PSD4: variants seen among roughly 807,000 people sequenced by gnomAD.
PSD4 encodes pleckstrin and Sec7 domain containing 4, also known as PH and SEC7 domain-containing protein 4.
A neutral mutation model predicts 112.5 loss-of-function variants in PSD4; 59 were observed. The ratio of observed to expected loss-of-function variants is 0.52; its 90% confidence interval spans 0.43 to 0.65. The LOEUF (loss-of-function observed/expected upper bound fraction) is 0.65, where lower values mean the gene tolerates loss of function less well. PSD4 is among the 30% of genes least tolerant of loss of function. PSD4 has a pLI of 0.00. For synonymous variants in PSD4, 533 were observed against 540.0 expected (o/e 0.99, Z 0.18); for missense variants, 1,267 against 1,352.6 (o/e 0.94, Z 0.99).
intron 6 of PSD4, 120 bp from the exon 7 acceptor site, chr2:113,192,928 C>G (rs1688493593): frequency 1.0e-6 from 1 of 997,346 alleles, no homozygotes; most frequent in Non-Finnish European, 1.5e-6. Flanking sequence ...CCCAGCGTGC[C>G]TGCACCCTTC....
Position 113,183,439 on chromosome 2 carries a change from ACTCCAT to A in PSD4, c.986_991del (p.Ser329_Ile330del). On this transcript the variant is annotated inframe_deletion, in exon 2 of 17. Coordinates refer to ENST00000245796, the MANE Select transcript of PSD4 (RefSeq NM_012455.3). ...TTCCCTGTGCCCATCTATAAACCAC[ACTCCAT>A]CTGCTGGGCCTCAGTGGCTGCCGCT... 6.3e-7 allele frequency: 1 copy of A among 1,580,992 alleles called. No individual in the cohort carries two copies. Among genetic ancestry groups the A allele is most frequent in the Non-Finnish European group, 8.6e-7 (1 of 1,165,500 alleles).
chr2:113,200,060 A>G (rs2015769), intron 16 of PSD4, among the ~76,000 whole-genome samples: 64,375 of 151,996 alleles, frequency 0.42, 14,769 homozygotes, highest in East Asian at 0.65. Context: ...TCCTGGCCTC[A>G]AGTGGTCTGC....
intron 7 of PSD4, 27 bp from the exon 8 acceptor site, chr2:113,193,231 C>T (rs1688506097): frequency 1.3e-6 from 2 of 1,584,258 alleles, no homozygotes; most frequent in African/African-American, 2.7e-5. Flanking sequence ...CCCGGGCTCT[C>T]TCCTTGACCC....
chr2:113,195,537 ATG>A (rs1688582884), intron 10 of PSD4, among the ~76,000 whole-genome samples, 188 bp from the exon 11 acceptor site: 17 of 51,076 alleles, frequency 3.3e-4, no homozygotes, highest in East Asian at 3.1e-3. Context: ...TGTTGCACGG[ATG>A]GATGGATGGA....
Position 113,185,455 on chromosome 2 carries a change from G to C in PSD4, c.1249+15G>C. The C allele has an allele frequency of 6.2e-7, 1 of 1,614,184 alleles. No individual in the cohort carries two copies. Among genetic ancestry groups the C allele is most frequent in the Non-Finnish European group, 8.5e-7 (1 of 1,180,026 alleles). On this transcript the variant is annotated intron_variant, in intron 4 of 16. Transcript: ENST00000245796. ...CCAGGACAGAGGTGAGCCCTAATAA[G>C]GGGGTTTGGGAAATTGGGTCCTGGG...
intron 12 of PSD4, chr2:113,197,280 T>G: frequency 1.3e-5 from 6 of 456,894 alleles, no homozygotes; most frequent in Non-Finnish European, 1.6e-5. Flanking sequence ...GGGTGTGTGT[T>G]TGGAGTTGGA....
intron 1 of PSD4, among the ~76,000 whole-genome samples, chr2:113,176,774 C>T (rs934629255): frequency 1.3e-5 from 2 of 152,186 alleles, no homozygotes; most frequent in African/African-American, 4.8e-5. Flanking sequence ...ATTTTAGATG[C>T]GTAAGACCTG....
In PSD4 at chr2:113,193,733, G is replaced by A. The variant is rs141415952; in HGVS notation, c.2091+83G>A. On this transcript the variant is annotated intron_variant, in intron 9 of 16. Coordinates refer to ENST00000245796, the MANE Select transcript of PSD4 (RefSeq NM_012455.3). The stretch of plus-strand genomic sequence containing the variant: ...GGAGAAGACCAGAGGCCTGAGACCG[G>A]GCAGGGAACACCCCTGAGGGATGTG... 2,810 of 1,561,692 alleles carry A rather than the reference G, an allele frequency of 1.8e-3. 14 individuals are homozygous for A. The Middle Eastern group carries it at 0.02, about 11-fold the overall frequency.
At chr2:113,188,762 A>G (rs1688370052) in intron 5 of PSD4, among the ~76,000 whole-genome samples, 1 of 151,816 alleles carries the variant, frequency 6.6e-6, no homozygotes, top group Non-Finnish European at 1.5e-5. Context: ...TTGTATTTTT[A>G]GTAGAGACGG....
At chr2:113,200,591 C>A (rs1688747824) in intron 16 of PSD4, among the ~76,000 whole-genome samples, 1 of 152,182 alleles carries the variant, frequency 6.6e-6, no homozygotes, top group African/African-American at 2.4e-5. Context: ...ACCAGCCCTC[C>A]CTTCCGCAAT....
Position 113,185,359 on chromosome 2 carries a change from C to T in PSD4, c.1174-6C>T. On this transcript the variant is annotated splice_region_variant and splice_polypyrimidine_tract_variant and intron_variant, in intron 3 of 16. Coordinates refer to ENST00000245796, the MANE Select transcript of PSD4 (RefSeq NM_012455.3). ...CTCATGGGAATGCCTTTGCCTCTCT[C>T]AACAGGCCTCTCTCAGCCCTGAGGG... is the stretch of plus-strand genomic sequence containing the variant. 3 of 1,614,162 alleles carry T rather than the reference C, an allele frequency of 1.9e-6. No homozygotes were observed. Among genetic ancestry groups the T allele is most frequent in the Non-Finnish European group, 2.5e-6 (3 of 1,180,016 alleles).
chr2:113,178,216 T>TA (rs961842451), intron 1 of PSD4, among the ~76,000 whole-genome samples: 20 of 151,118 alleles, frequency 1.3e-4, no homozygotes, highest in Admixed American at 2.0e-4. Context: ...AGATACCGTC[T>TA]AAAAAAAAAT....
chr2:113,200,686 A>G (rs966864429), intron 16 of PSD4, among the ~76,000 whole-genome samples: 1 of 152,216 alleles, frequency 6.6e-6, no homozygotes, highest in Non-Finnish European at 1.5e-5. Flanking sequence ...CCATATCCCA[A>G]GGATGCTAGC....
chr2:113,201,560 G>A lies in PSD4; in HGVS notation c.*145G>A. ...TGAAGGACAAACCTTGTTTCCCTGT[G>A]GCCCTCATTCTTGTGCTCCCTGAAG... is the stretch of plus-strand genomic sequence containing the variant. On this transcript the variant is annotated 3_prime_UTR_variant, in exon 17 of 17. Coordinates refer to ENST00000245796, the MANE Select transcript of PSD4 (RefSeq NM_012455.3). The A allele has an allele frequency of 8.4e-7, 1 of 1,190,006 alleles. No individual in the cohort carries two copies. Among genetic ancestry groups the A allele is most frequent in the Non-Finnish European group, 1.2e-6 (1 of 858,760 alleles). The allele number at this position is 1,190,006 out of a possible 1,614,324, so 73.7% of individuals were successfully genotyped here.
intron 4 of PSD4, 193 bp from the exon 5 acceptor site, chr2:113,185,684 G>T (rs762417928): frequency 7.8e-6 from 12 of 1,548,148 alleles, no homozygotes; most frequent in Admixed American, 2.0e-5. Flanking sequence ...GCCCTTAGTT[G>T]CCTGGAGGCT....
At chr2:113,174,355 C>A (rs1339080253) in intron 1 of PSD4, among the ~76,000 whole-genome samples, 1 of 152,198 alleles carries the variant, frequency 6.6e-6, no homozygotes, top group Non-Finnish European at 1.5e-5. Flanking sequence ...TGGCTCCCCG[C>A]AGAGCCTCTG....
rs993868243 is a variant in PSD4 at position 113,204,115 on chromosome 2, A to G, written c.*2700A>G. 1.3e-5 allele frequency: 2 copies of G among 152,294 alleles called. No homozygotes were observed. The highest frequency in any genetic ancestry group is 4.8e-5 in the African/African-American group (2 of 41,432). The allele number at this position is 152,294 out of a possible 1,614,324, so 9.4% of individuals were successfully genotyped here. A position where few individuals can be genotyped will look rare whatever the true frequency, so the allele number is the denominator to read the frequency against. ...CTTGGAGGCAGGCTTGCATCTTTCT[A>G]GCTTCTGGCTGCTCAGGTGTCCTGC... On this transcript the variant is annotated 3_prime_UTR_variant, in exon 17 of 17. Coordinates refer to ENST00000245796, the MANE Select transcript of PSD4 (RefSeq NM_012455.3).
In PSD4 at chr2:113,183,335, A is replaced by C. The variant is rs1215795461; in HGVS notation, c.879A>C (p.Glu293Asp). Residue 293 changes from glutamate to aspartate, a missense_variant, in exon 2 of 17, where the codon GAA becomes GAC. Glu to Asp is a conservative substitution (Grantham distance 45). Transcript: ENST00000245796. ...CGACTCTGGAGCCTCCCCTCCCAGA[A>C]GACACAGTGCTGTGGGAGCTGGAAA... is the stretch of plus-strand genomic sequence containing the variant. The part of the protein sequence containing the change: ...SPATLEPPLP[E>D]DTVLWELESE... 6.2e-7 allele frequency: 1 copy of C among 1,603,714 alleles called. No homozygotes were observed. Among genetic ancestry groups the C allele is most frequent in the Admixed American group, 1.7e-5 (1 of 59,058 alleles).
rs1688863309 is a variant in PSD4, at chr2:113,206,351, A to G, written c.*4936A>G. The G allele has an allele frequency of 4.6e-5, 7 of 152,406 alleles. No homozygotes were observed. In the South Asian group the frequency reaches 1.4e-3, roughly 32 times the overall value. The allele number at this position is 152,406 out of a possible 1,614,324, so 9.4% of individuals were successfully genotyped here. On this transcript the variant is annotated 3_prime_UTR_variant, in exon 17 of 17. Transcript: ENST00000245796. ...TCGGCGTCCACCCCACCTTTGCCTGAAATGGCACCTCCTAGGGCAATTGAT... is the reference window on the plus strand; with the variant it reads ...TCGGCGTCCACCCCACCTTTGCCTGGAATGGCACCTCCTAGGGCAATTGAT...
Sources: gnomAD v4.1 joint callset for allele counts (sites outside exome capture counted in the v4.1 genomes callset) on GRCh38, gnomAD v4.1.1 for gene constraint, MANE v1.5 for transcripts, NCBI Gene and HGNC (gene_info 2026-07-23, HGNC 2026-07-21) for gene names.